Variants in PPP2R5C observed in about 807,000 individuals in gnomAD.
PPP2R5C encodes the protein serine/threonine-protein phosphatase 2A 56 kDa regulatory subunit gamma isoform.
Under a neutral mutation model 68.9 loss-of-function variants are expected in PPP2R5C, and 7 were observed. The ratio of observed to expected loss-of-function variants is 0.10; its 90% CI spans 0.06 to 0.19. The LOEUF (loss-of-function observed/expected upper bound fraction) is 0.19. Ranked by LOEUF, PPP2R5C falls within the 10% of genes least tolerant of loss-of-function variation. The probability of loss-of-function intolerance (pLI) is 1.00; values close to 1 mark genes in which losing one functional copy is unlikely to be tolerated. For missense variants in PPP2R5C, 348 were observed against 641.3 expected (o/e 0.54, Z 4.94); for synonymous variants, 210 against 222.2 (o/e 0.95, Z 0.49).
chr14:101,864,830 G>A (rs1000347671), intron 2 of PPP2R5C, among the ~76,000 whole-genome samples: 1 of 152,164 alleles, frequency 6.6e-6, no homozygotes, highest in Non-Finnish European at 1.5e-5. Context: ...CTGAGGTTGG[G>A]TGGGAGAGCT....
chr14:101,878,893 C>A (rs1464997451), intron 2 of PPP2R5C, among the ~76,000 whole-genome samples: 4 of 152,264 alleles, frequency 2.6e-5, no homozygotes, highest in African/African-American at 7.2e-5. Flanking sequence ...TTGACACATA[C>A]GGCCAGCTGG....
intron 1 of PPP2R5C, among the ~76,000 whole-genome samples, chr14:101,814,619 C>T (rs2039551689): frequency 6.6e-6 from 1 of 152,110 alleles, no homozygotes; most frequent in Non-Finnish European, 1.5e-5. Flanking sequence ...GCAGCAAAAG[C>T]TATCTTCTAA....
intron 2 of PPP2R5C, among the ~76,000 whole-genome samples, chr14:101,775,229 C>A (rs2037357798): frequency 6.6e-6 from 1 of 152,136 alleles, no homozygotes; most frequent in South Asian, 2.1e-4. Flanking sequence ...CAATAAATAT[C>A]TTATATCTAG....
chr14:101,836,553 A>G (rs1279674245), intron 1 of PPP2R5C: 3 of 566,124 alleles, frequency 5.3e-6, no homozygotes, highest in Non-Finnish European at 9.4e-6. Context: ...ATTTCTTTAA[A>G]TATAATATCT....
intron 13 of PPP2R5C, among the ~76,000 whole-genome samples, chr14:101,919,987 AAAAAAC>A (rs1461764992): frequency 3.3e-5 from 5 of 151,724 alleles, no homozygotes; most frequent in African/African-American, 1.2e-4. Flanking sequence ...AAAAAAAAAA[AAAAAAC>A]CAATTCTTAC....
intron 1 of PPP2R5C, among the ~76,000 whole-genome samples, chr14:101,831,169 TTTTG>T (rs2040712965): frequency 6.6e-6 from 1 of 151,996 alleles, no homozygotes; most frequent in South Asian, 2.1e-4. Flanking sequence ...GTGTGCTGAG[TTTTG>T]TTTATTTTTT....
At chr14:101,779,207 A>T (rs954470214) in intron 2 of PPP2R5C, among the ~76,000 whole-genome samples, 8 of 152,216 alleles carry the variant, frequency 5.3e-5, no homozygotes, top group African/African-American at 1.9e-4. Context: ...AGAGACAGTG[A>T]CTGTGTGAAG....
intron 5 of PPP2R5C, among the ~76,000 whole-genome samples, chr14:101,886,057 A>G (rs2044487709): frequency 1.3e-5 from 2 of 151,920 alleles, no homozygotes; most frequent in African/African-American, 2.4e-5. Flanking sequence ...CGAGGCGGGC[A>G]GATCACAAGG....
intron 2 of PPP2R5C, among the ~76,000 whole-genome samples, chr14:101,782,104 CCCCCTCCCCCTCCCCCTTCTT>C: frequency 1.2e-5 from 1 of 82,150 alleles, no homozygotes; most frequent in African/African-American, 4.9e-5. Context: ...TCTTCCCCTC[CCCCCTCCCCCTCCCCCTTCTT>C]CCCCTCCCCC....
intron 1 of PPP2R5C, among the ~76,000 whole-genome samples, chr14:101,841,681 A>G (rs913884043): frequency 5.3e-5 from 8 of 152,200 alleles, no homozygotes; most frequent in Non-Finnish European, 1.0e-4. Flanking sequence ...CGCAGACACA[A>G]AAGCCGTAGA....
At chr14:101,767,208 A>C (rs570683642) in intron 2 of PPP2R5C, among the ~76,000 whole-genome samples, 1 of 152,162 alleles carries the variant, frequency 6.6e-6, no homozygotes, top group Non-Finnish European at 1.5e-5. Context: ...GTCCCTTTAC[A>C]TTCCAGTGCC....
At chr14:101,859,529 G>C (rs999784538) in intron 2 of PPP2R5C, among the ~76,000 whole-genome samples, 2 of 152,240 alleles carry the variant, frequency 1.3e-5, no homozygotes, top group African/African-American at 4.8e-5. Flanking sequence ...TGGATCTGGA[G>C]GTAGAATAGG....
chr14:101,859,174 C>T (rs568416349), intron 2 of PPP2R5C, among the ~76,000 whole-genome samples: 1 of 152,298 alleles, frequency 6.6e-6, no homozygotes, highest in Admixed American at 6.5e-5. Flanking sequence ...AGACTTCTGC[C>T]CTCCTAAAGC....
chr14:101,762,273 C>A (rs1022966164), intron 1 of PPP2R5C, among the ~76,000 whole-genome samples: 1 of 152,078 alleles, frequency 6.6e-6, no homozygotes, highest in East Asian at 1.9e-4. Flanking sequence ...CAGGTGCGGC[C>A]GCCGAGGGGG....
Position 101,785,171 on chromosome 14 carries a change from G to C in PPP2R5C, c.94-847G>C, listed in dbSNP as rs537580513. Among the ~76,000 whole-genome samples, 6 of 152,272 alleles carry C rather than the reference G, an allele frequency of 3.9e-5. No homozygotes were observed. In the East Asian group the frequency reaches 1.2e-3, roughly 29 times the overall value. ...CAGCGGAGCGTTTCCTGGGGCTCAA[G>C]GGGAGGCACTCAGATGGCCTGCTTT... On this transcript the variant is annotated intron_variant, in intron 2 of 14. Coordinates refer to the PPP2R5C transcript ENST00000328724.
Position 101,864,257 on chromosome 14 carries a change from G to T in PPP2R5C, c.294+7372G>T, listed in dbSNP as rs551090532. On this transcript the variant is annotated intron_variant, in intron 2 of 13. Transcript: ENST00000334743. ...ATCAGAAAAGGAATTGCTTGGATTGGTGATTGAATGAGTCGGATGACTCAG... is the reference window on the plus strand; with the variant it reads ...ATCAGAAAAGGAATTGCTTGGATTGTTGATTGAATGAGTCGGATGACTCAG... Among the ~76,000 whole-genome samples, 3 of 152,270 alleles carry T rather than the reference G, an allele frequency of 2.0e-5. No homozygotes were observed. The South Asian group carries it at 6.2e-4, about 32-fold the overall frequency.
chr14:101,805,682 A>G (rs1468298613), upstream of PPP2R5C, among the ~76,000 whole-genome samples: 9 of 152,222 alleles, frequency 5.9e-5, no homozygotes, highest in Non-Finnish European at 1.3e-4. Flanking sequence ...AAGAGTGAAT[A>G]AACAACTTCA....
At chr14:101,828,986 A>T (rs2040567585) in intron 1 of PPP2R5C, among the ~76,000 whole-genome samples, 1 of 152,184 alleles carries the variant, frequency 6.6e-6, no homozygotes, top group South Asian at 2.1e-4. Flanking sequence ...GCCTCAAAAG[A>T]TATTCTTTTT....
chr14:101,801,444 T>C (rs902466914), intron 3 of PPP2R5C, among the ~76,000 whole-genome samples: 1 of 152,238 alleles, frequency 6.6e-6, no homozygotes, highest in Non-Finnish European at 1.5e-5. Flanking sequence ...TTATTTCTGA[T>C]TACACACTGC....
Sources: allele counts gnomAD v4.1 joint callset (sites outside exome capture counted in the v4.1 genomes callset), GRCh38; gene constraint gnomAD v4.1.1; transcripts MANE v1.5; gene names NCBI Gene and HGNC (gene_info 2026-07-23, HGNC 2026-07-21).